The following XKRX variants were observed in gnomAD, a reference collection of about 807,000 sequenced individuals.
XKRX encodes XK-related protein 2.
XKRX carries 11 observed loss-of-function variants against 22.4 expected under a neutral mutation model. That is an observed-to-expected ratio of 0.49 (90% CI 0.31 to 0.81). The LOEUF (loss-of-function observed/expected upper bound fraction) is 0.81. Ranked by LOEUF, XKRX falls within the 40% of genes least tolerant of loss-of-function variation. The pLI is 0.05. For synonymous variants in XKRX, 114 were observed against 132.2 expected (o/e 0.86, Z 0.94); for missense variants, 320 against 336.5 (o/e 0.95, Z 0.38).
chrX:100,907,993 A>G, the XKRX span, among the ~76,000 whole-genome samples: 7 of 112,120 alleles, frequency 6.2e-5, no homozygotes, highest in Non-Finnish European at 1.3e-4. Context: ...ATGCAAATCC[A>G]TATGTATAAC....
chrX:100,936,540 CAAAAAAAAAAAA>C, the XKRX span, among the ~76,000 whole-genome samples: 14 of 25,405 alleles, frequency 5.5e-4, no homozygotes, highest in Admixed American at 1.0e-3. Flanking sequence ...GACTCTGTCT[CAAAAAAAAAAAA>C]AAAAAAAAAA....
At chrX:100,905,614 C>T in the XKRX span, among the ~76,000 whole-genome samples, 2,253 of 111,920 alleles carry the variant, frequency 0.02, 55 homozygotes, top group African/African-American at 0.068. Context: ...CCTCTACCCC[C>T]CCATATTGTT....
chrX:100,909,207 C>T (rs1057038303), downstream of XKRX, among the ~76,000 whole-genome samples: 2 of 112,120 alleles, frequency 1.8e-5, no homozygotes, highest in African/African-American at 6.5e-5. Context: ...TACCATCCTT[C>T]TCCTCACTAT....
At chrX:100,958,457 C>A in the XKRX span, among the ~76,000 whole-genome samples, 1 of 111,837 alleles carries the variant, frequency 8.9e-6, no homozygotes, top group Non-Finnish European at 1.9e-5. Flanking sequence ...TATGTATTTG[C>A]TATCCTTTTT....
At chrX:100,957,062 T>C in the XKRX span, 1 of 1,126,870 alleles carries the variant, frequency 8.9e-7, no homozygotes, top group East Asian at 3.0e-5. Context: ...AGTTAAATGC[T>C]GAGCCTGGTA....
At chrX:100,933,622 G>C (rs1394296911), upstream of XKRX, among the ~76,000 whole-genome samples, 1 of 111,170 alleles carries the variant, frequency 9.0e-6, no homozygotes, top group East Asian at 2.8e-4. Flanking sequence ...ATCCATAGCT[G>C]GGATTTGGGC....
At chrX:100,955,735 T>C in the XKRX span, among the ~76,000 whole-genome samples, 1 of 112,117 alleles carries the variant, frequency 8.9e-6, no homozygotes, top group Non-Finnish European at 1.9e-5. Flanking sequence ...TCGATATGAA[T>C]GTTTATAGCA....
At chrX:100,948,893 G>T in the XKRX span, among the ~76,000 whole-genome samples, 1 of 112,545 alleles carries the variant, frequency 8.9e-6, no homozygotes, top group Non-Finnish European at 1.9e-5. Context: ...CCCCACTGGG[G>T]TAGTATTAGT....
the XKRX span, among the ~76,000 whole-genome samples, chrX:100,894,248 C>A: frequency 6.3e-5 from 7 of 111,781 alleles, no homozygotes; most frequent in Non-Finnish European, 9.4e-5. Flanking sequence ...GTCTGGGCAA[C>A]AGAGCGAGAC....
the XKRX span, among the ~76,000 whole-genome samples, chrX:100,937,947 G>A: frequency 9.0e-6 from 1 of 111,358 alleles, no homozygotes; most frequent in African/African-American, 3.3e-5. Flanking sequence ...CAATGGACCA[G>A]CTAACAGTAG....
the XKRX span, among the ~76,000 whole-genome samples, chrX:100,903,446 C>T: frequency 8.9e-6 from 1 of 111,971 alleles, no homozygotes; most frequent in Non-Finnish European, 1.9e-5. Flanking sequence ...CAGCAATGAA[C>T]AAGTAGAATT....
chrX:100,957,185 C>T, the XKRX span: 1 of 1,063,672 alleles, frequency 9.4e-7, no homozygotes, highest in Non-Finnish European at 1.3e-6. Flanking sequence ...AGGATTCTGG[C>T]TTTTGGAGAG....
the XKRX span, among the ~76,000 whole-genome samples, chrX:100,944,358 T>TTTTTG: frequency 2.7e-5 from 3 of 111,015 alleles, no homozygotes; most frequent in Non-Finnish European, 5.7e-5. Context: ...TAAATCAACG[T>TTTTTG]TTTTGTTTTG....
At chrX:100,901,054 T>G in the XKRX span, among the ~76,000 whole-genome samples, 1 of 111,273 alleles carries the variant, frequency 9.0e-6, no homozygotes, top group Non-Finnish European at 1.9e-5. Context: ...CCTCCCAAAG[T>G]GCTGGGATTA....
the XKRX span, among the ~76,000 whole-genome samples, chrX:100,907,218 C>T: frequency 9.0e-6 from 1 of 110,900 alleles, no homozygotes; most frequent in African/African-American, 3.3e-5. Flanking sequence ...GTTTTTGAGA[C>T]AGGGTCTTGC....
chrX:100,956,551 G>GT, the XKRX span: 5 of 402,252 alleles, frequency 1.2e-5, no homozygotes, highest in African/African-American at 1.3e-4. Flanking sequence ...TTGGTTGTCA[G>GT]AAGTTAGAGG....
chrX:100,902,915 A>AT, the XKRX span, among the ~76,000 whole-genome samples: 23 of 108,779 alleles, frequency 2.1e-4, no homozygotes, highest in Non-Finnish European at 3.4e-4. Context: ...ATGCCCGGCT[A>AT]TTTTTTTACA....
intron 2 of XKRX, among the ~76,000 whole-genome samples, chrX:100,917,718 G>GAAAGAAAGAAAGA (rs1556194341): frequency 2.3e-5 from 2 of 85,762 alleles, no homozygotes; most frequent in African/African-American, 7.4e-5. Flanking sequence ...AAGAAAGAAA[G>GAAAGAAAGAAAGA]AAAGAAATCC....
chrX:100,917,634 G>GAAAGA (rs1556193289), intron 2 of XKRX, among the ~76,000 whole-genome samples: 9 of 49,031 alleles, frequency 1.8e-4, no homozygotes, highest in East Asian at 5.9e-4. Flanking sequence ...GAGAAAGAAA[G>GAAAGA]AAGAAAGAAA....
Sources: gnomAD v4.1 joint callset for allele counts (sites outside exome capture counted in the v4.1 genomes callset) on GRCh38, gnomAD v4.1.1 for gene constraint, MANE v1.5 for transcripts, NCBI Gene and HGNC (gene_info 2026-07-23, HGNC 2026-07-21) for gene names.